Variants in GLG1 observed in about 807,000 individuals in gnomAD.
GLG1 encodes the protein golgi glycoprotein 1, also known as Golgi apparatus protein 1.
Under a neutral mutation model 160.5 loss-of-function variants are expected in GLG1, and 38 were observed. The ratio of observed to expected loss-of-function variants is 0.24; its 90% CI spans 0.18 to 0.31. The LOEUF is 0.31. GLG1 is among the 10% of genes least tolerant of loss of function. GLG1 has a pLI of 1.00. For synonymous variants in GLG1, 644 were observed against 543.4 expected (o/e 1.19, Z -2.57); for missense variants, 1,373 against 1,505.2 (o/e 0.91, Z 1.45).
In GLG1 at chr16:74,450,783, G is replaced by A. The variant is rs2014257717; in HGVS notation, c.*2384C>T. The stretch of plus-strand genomic sequence containing the variant: ...GAATTGCTTGAACCCAGGAGGTGGA[G>A]GTTGCAGGGAGCTGAGATCGCGCCA... On this transcript the variant is annotated 3_prime_UTR_variant, in exon 26 of 26. Coordinates refer to ENST00000422840, the MANE Select transcript of GLG1 (RefSeq NM_001145667.2). The A allele has an allele frequency of 6.6e-6, 1 of 151,934 alleles. No individual in the cohort carries two copies. The allele number at this position is 151,934 out of a possible 1,614,324, so 9.4% of individuals were successfully genotyped here. A position where few individuals can be genotyped will look rare whatever the true frequency, so the allele number is the denominator to read the frequency against.
chr16:74,529,368 T>C (rs2017452732), intron 2 of GLG1, among the ~76,000 whole-genome samples: 1 of 152,184 alleles, frequency 6.6e-6, no homozygotes, highest in Admixed American at 6.5e-5. Context: ...TAATTGATTT[T>C]CTTAATAAAG....
chr16:74,508,133 A>G (rs114387554), intron 3 of GLG1, among the ~76,000 whole-genome samples: 5 of 152,084 alleles, frequency 3.3e-5, no homozygotes, highest in Admixed American at 3.3e-4. Context: ...GTCTTCCTTA[A>G]GAGCTCTGAA....
Position 74,606,639 on chromosome 16 carries a change from T to C in GLG1, c.438+18A>G, listed in dbSNP as rs1958573958. On this transcript the variant is annotated intron_variant, in intron 1 of 25. Coordinates refer to ENST00000422840, the MANE Select transcript of GLG1 (RefSeq NM_001145667.2). ...CCGCACCAGGCCTGGCCCTCCCGGC[T>C]TCGTCCCACCTCCTCACCTCCCTCA... 6.5e-7 allele frequency: 1 copy of C among 1,536,214 alleles called. No individual in the cohort carries two copies. Among genetic ancestry groups the C allele is most frequent in the Non-Finnish European group, 8.8e-7 (1 of 1,139,766 alleles).
Position 74,598,370 on chromosome 16 carries a change from A to G in GLG1, c.438+8287T>C, listed in dbSNP as rs372112092. Among the ~76,000 whole-genome samples the G allele has an allele frequency of 3.2e-4, 49 of 151,630 alleles. No individual in the cohort carries two copies. In the East Asian group the frequency reaches 7.5e-3, roughly 23 times the overall value. ...CCCCGTCTCTACTAAAAATACAAAA[A>G]ATTAGCCGGGCGTGGTGGCGGGCGC... On this transcript the variant is annotated intron_variant, in intron 1 of 25. Transcript: ENST00000422840.
At chr16:74,606,440 G>A (rs1958567760) in intron 1 of GLG1, among the ~76,000 whole-genome samples, 1 of 152,134 alleles carries the variant, frequency 6.6e-6, no homozygotes, top group African/African-American at 2.4e-5. Context: ...CCCAGACCCC[G>A]GCAACAGGGA....
In GLG1 at chr16:74,583,166, T is replaced by C. The variant is rs778994159; in HGVS notation, c.438+23491A>G. Among the ~76,000 whole-genome samples the C allele has an allele frequency of 7.2e-5, 11 of 152,280 alleles. No homozygotes were observed. In the South Asian group the frequency reaches 8.3e-4, roughly 11 times the overall value. On this transcript the variant is annotated intron_variant, in intron 1 of 25. Transcript: ENST00000422840. ...CCCCAGGGCTCAGTCCTTGGAATCA[T>C]AGTCTTCTATTTACACATTCTTTAA...
intron 11 of GLG1, among the ~76,000 whole-genome samples, chr16:74,477,820 A>G (rs2015441678): frequency 6.6e-6 from 1 of 151,882 alleles, no homozygotes; most frequent in Non-Finnish European, 1.5e-5. Flanking sequence ...CTAAACACAC[A>G]AAATTAGCCA....
At chr16:74,587,556 T>C (rs1316095736) in intron 1 of GLG1, among the ~76,000 whole-genome samples, 1 of 152,134 alleles carries the variant, frequency 6.6e-6, no homozygotes, top group African/African-American at 2.4e-5. Flanking sequence ...CATGATGGAA[T>C]TAGCACATGA....
At chr16:74,487,365 C>G (rs539852217) in intron 8 of GLG1, among the ~76,000 whole-genome samples, 1 of 152,030 alleles carries the variant, frequency 6.6e-6, no homozygotes, top group East Asian at 1.9e-4. Flanking sequence ...AGGGCCTTCA[C>G]TGGAGCACCT....
chr16:74,544,938 A>G (rs2018004692), intron 1 of GLG1, among the ~76,000 whole-genome samples: 1 of 151,736 alleles, frequency 6.6e-6, no homozygotes, highest in African/African-American at 2.4e-5. Context: ...TTAATTCTGC[A>G]TTGCCCCAAT....
intron 1 of GLG1, among the ~76,000 whole-genome samples, chr16:74,597,529 G>C (rs890997373): frequency 6.6e-6 from 1 of 150,960 alleles, no homozygotes; most frequent in African/African-American, 2.4e-5. Flanking sequence ...GACCAGCATA[G>C]CCAACATGGC....
At chr16:74,474,991 T>C (rs2015346029) in intron 12 of GLG1, among the ~76,000 whole-genome samples, 2 of 151,872 alleles carry the variant, frequency 1.3e-5, no homozygotes, top group Admixed American at 1.3e-4. Flanking sequence ...ACCCCATCCC[T>C]ACTAAAAATA....
chr16:74,472,137 C>T (rs1190624409), intron 14 of GLG1, among the ~76,000 whole-genome samples: 2 of 152,120 alleles, frequency 1.3e-5, no homozygotes, highest in Non-Finnish European at 2.9e-5. Context: ...AAATCCTGGG[C>T]TCAAGTGCTC....
In GLG1 at chr16:74,491,013, G is replaced by A. The variant is rs769812522; in HGVS notation, c.1437C>T (p.Asn479=). ...VRGEKGNLGM[N]CQQALQTLIQ... ...AATGTCTCCTTACCGCCTGCTGGCA[G>A]TTCATTCCAAGGTTCCCCTTCTCCC... Residue 479 remains asparagine, a synonymous_variant, in exon 8 of 26, where the codon AAC becomes AAT. Transcript: ENST00000422840. The A allele has an allele frequency of 3.1e-6, 5 of 1,613,042 alleles. No individual in the cohort carries two copies. The highest frequency in any genetic ancestry group is 4.2e-6 in the Non-Finnish European group (5 of 1,178,978).
intron 2 of GLG1, among the ~76,000 whole-genome samples, chr16:74,516,902 C>T (rs2016996744): frequency 6.6e-6 from 1 of 152,038 alleles, no homozygotes; most frequent in South Asian, 2.1e-4. Flanking sequence ...ATACAAACTA[C>T]CATCAGAAAA....
At chr16:74,498,397 A>C (rs1597270524) in intron 4 of GLG1, among the ~76,000 whole-genome samples, 1 of 123,754 alleles carries the variant, frequency 8.1e-6, no homozygotes, top group Admixed American at 9.7e-5. Flanking sequence ...GCACCACTGC[A>C]CTCCAGACTG....
At chr16:74,575,888 G>GCTCT (rs148439527) in intron 1 of GLG1, among the ~76,000 whole-genome samples, 1 of 150,688 alleles carries the variant, frequency 6.6e-6, no homozygotes, top group Non-Finnish European at 1.5e-5. Context: ...GTGCTCTCAT[G>GCTCT]CTCTCTCTCT....
At chr16:74,510,311 G>C (rs2016763174) in intron 2 of GLG1, among the ~76,000 whole-genome samples, 1 of 152,162 alleles carries the variant, frequency 6.6e-6, no homozygotes, top group African/African-American at 2.4e-5. Context: ...CATTACAAGA[G>C]TGAGCCACTG....
chr16:74,465,896 T>A, intron 18 of GLG1, 83 bp from the exon 19 acceptor site: 1 of 1,129,586 alleles, frequency 8.9e-7, no homozygotes, highest in South Asian at 1.3e-5. Flanking sequence ...TCAGCTCCAC[T>A]GTGCCTCCCA....
Sources: allele counts gnomAD v4.1 joint callset (sites outside exome capture counted in the v4.1 genomes callset), GRCh38; gene constraint gnomAD v4.1.1; transcripts MANE v1.5; gene names NCBI Gene and HGNC (gene_info 2026-07-23, HGNC 2026-07-21).